Variants in SLC44A5 observed in about 807,000 individuals in gnomAD.
SLC44A5 encodes choline transporter-like protein 5.
Under a neutral mutation model 101.8 loss-of-function variants are expected in SLC44A5, and 57 were observed. The observed-to-expected ratio is 0.56, with a 90% confidence interval of 0.45 to 0.70. The LOEUF is 0.70. Ranked by LOEUF, SLC44A5 falls within the 30% of genes least tolerant of loss-of-function variation. The pLI is 0.00. For synonymous variants in SLC44A5, 281 were observed against 290.9 expected (o/e 0.97, Z 0.35); for missense variants, 737 against 853.1 (o/e 0.86, Z 1.70).
chr1:75,674,717 A>G, the SLC44A5 span, among the ~76,000 whole-genome samples: 1 of 141,070 alleles, frequency 7.1e-6, no homozygotes, highest in Admixed American at 7.3e-5. Flanking sequence ...GTGCACCTAC[A>G]GGATCTAGAA....
At chr1:75,402,379 C>T in intron 2 of SLC44A5, 1 of 367,090 alleles carries the variant, frequency 2.7e-6, no homozygotes, top group East Asian at 8.8e-5. Flanking sequence ...GAAATGTTCA[C>T]TACAAGAGGT....
At chr1:75,222,492 A>T in intron 13 of SLC44A5, 32 bp from the exon 14 acceptor site, 1 of 1,310,108 alleles carries the variant, frequency 7.6e-7, no homozygotes. Context: ...TCAGTCTGTA[A>T]TACAAGTAGA....
intron 1 of SLC44A5, among the ~76,000 whole-genome samples, chr1:75,549,003 T>C (rs1261279950): frequency 2.6e-5 from 4 of 152,156 alleles, no homozygotes; most frequent in African/African-American, 9.6e-5. Flanking sequence ...CCAAAAGCTA[T>C]GGCTATAATC....
upstream of SLC44A5, among the ~76,000 whole-genome samples, chr1:75,614,629 T>C (rs1401863669): frequency 6.6e-6 from 1 of 152,210 alleles, no homozygotes; most frequent in South Asian, 2.1e-4. Flanking sequence ...TGAGCGCTGC[T>C]GTAGTCCAAG....
chr1:75,439,610 A>G (rs1665082326), intron 2 of SLC44A5, among the ~76,000 whole-genome samples: 2 of 152,220 alleles, frequency 1.3e-5, no homozygotes, highest in Admixed American at 6.6e-5. Context: ...CTGAAGATAG[A>G]ATCAGTGACT....
At chr1:75,206,744 GC>G in intron 23 of SLC44A5, 1 of 1,314,850 alleles carries the variant, frequency 7.6e-7, no homozygotes, top group South Asian at 1.2e-5. Context: ...GCCAAAGCAG[GC>G]AAAAGCAGAA....
At chr1:75,634,942 G>C in the SLC44A5 span, among the ~76,000 whole-genome samples, 1 of 151,958 alleles carries the variant, frequency 6.6e-6, no homozygotes, top group African/African-American at 2.4e-5. Flanking sequence ...AATCTACAAT[G>C]AACTCAAACA....
At chr1:75,680,941 A>C in the SLC44A5 span, among the ~76,000 whole-genome samples, 1 of 145,936 alleles carries the variant, frequency 6.9e-6, no homozygotes, top group Non-Finnish European at 1.5e-5. Context: ...TCACCACCGA[A>C]CCCACAGAAA....
At chr1:75,497,765 C>A (rs183051962) in intron 2 of SLC44A5, among the ~76,000 whole-genome samples, 107 of 152,094 alleles carry the variant, frequency 7.0e-4, no homozygotes, top group Non-Finnish European at 5.2e-4. Flanking sequence ...TAAATATATA[C>A]ATTTCAATTT....
At chr1:75,610,352 T>C (rs1675585083) in intron 1 of SLC44A5, among the ~76,000 whole-genome samples, 3 of 152,092 alleles carry the variant, frequency 2.0e-5, no homozygotes, top group Non-Finnish European at 4.4e-5. Context: ...TTCACTTTTC[T>C]AAAAAGTGCA....
At chr1:75,302,302 GA>G (rs572563135) in intron 4 of SLC44A5, among the ~76,000 whole-genome samples, 75 of 151,890 alleles carry the variant, frequency 4.9e-4, no homozygotes, top group African/African-American at 1.8e-3. Flanking sequence ...AACTCAGAGA[GA>G]AAAAACTAGA....
intron 3 of SLC44A5, among the ~76,000 whole-genome samples, chr1:75,356,177 C>T (rs1008756553): frequency 7.1e-6 from 1 of 140,410 alleles, no homozygotes; most frequent in Middle Eastern, 3.8e-3. Context: ...AGTGCTACTG[C>T]ACTCCAGCCT....
chr1:75,522,940 C>A (rs556650199), intron 2 of SLC44A5, among the ~76,000 whole-genome samples: 2 of 152,262 alleles, frequency 1.3e-5, no homozygotes, highest in African/African-American at 4.8e-5. Flanking sequence ...TCATTTGATT[C>A]CCCTTAGAGT....
intron 2 of SLC44A5, among the ~76,000 whole-genome samples, chr1:75,507,519 AT>A: frequency 1.3e-5 from 2 of 151,962 alleles, no homozygotes; most frequent in Non-Finnish European, 2.9e-5. Flanking sequence ...TTATTTTTTC[AT>A]TGTGTCTTTG....
At chr1:75,459,572 G>A (rs969241990) in intron 2 of SLC44A5, among the ~76,000 whole-genome samples, 3 of 152,044 alleles carry the variant, frequency 2.0e-5, no homozygotes, top group South Asian at 2.1e-4. Context: ...TCCCTTTCCC[G>A]AGAAGGAAAT....
chr1:75,391,068 A>G (rs574371005), intron 3 of SLC44A5, among the ~76,000 whole-genome samples: 1 of 152,312 alleles, frequency 6.6e-6, no homozygotes, highest in Admixed American at 6.5e-5. Context: ...CTGATAGCCA[A>G]ATCAAAAATA....
chr1:75,233,914 T>TA, intron 12 of SLC44A5, 72 bp downstream of exon 12: 2 of 1,126,618 alleles, frequency 1.8e-6, no homozygotes, highest in Non-Finnish European at 2.6e-6. Context: ...TGCTTTCTGG[T>TA]AACTGATAAC....
intron 2 of SLC44A5, among the ~76,000 whole-genome samples, chr1:75,411,692 G>A (rs1663290408): frequency 6.6e-6 from 1 of 152,082 alleles, no homozygotes; most frequent in South Asian, 2.1e-4. Context: ...CTGGATCAGG[G>A]ATTGGGGATA....
chr1:75,605,008 C>T (rs944936073), intron 1 of SLC44A5, among the ~76,000 whole-genome samples: 5 of 151,906 alleles, frequency 3.3e-5, no homozygotes, highest in African/African-American at 1.2e-4. Context: ...ATTGCTCTGG[C>T]TTGCACTTCC....
Sources: allele counts gnomAD v4.1 joint callset (sites outside exome capture counted in the v4.1 genomes callset), GRCh38; gene constraint gnomAD v4.1.1; transcripts MANE v1.5; gene names NCBI Gene and HGNC (gene_info 2026-07-23, HGNC 2026-07-21).